SLC24A3: variants seen among roughly 807,000 people sequenced by gnomAD.
SLC24A3 encodes sodium/potassium/calcium exchanger 3.
A neutral mutation model predicts 75.8 loss-of-function variants in SLC24A3; 28 were observed. The observed-to-expected ratio is 0.37, with a 90% CI of 0.27 to 0.51. The LOEUF (loss-of-function observed/expected upper bound fraction) is 0.51, where lower values mean the gene tolerates loss of function less well. SLC24A3 is among the 20% of genes least tolerant of loss of function. The pLI is 0.94. For synonymous variants in SLC24A3, 372 were observed against 334.1 expected (o/e 1.11, Z -1.24); for missense variants, 663 against 847.8 (o/e 0.78, Z 2.71).
chr20:19,422,201 A>G (rs1252758909), intron 2 of SLC24A3, among the ~76,000 whole-genome samples: 1 of 152,136 alleles, frequency 6.6e-6, no homozygotes, highest in African/African-American at 2.4e-5. Context: ...CCACATGGCC[A>G]GTAAATGGCA....
intron 6 of SLC24A3, among the ~76,000 whole-genome samples, chr20:19,615,093 G>A (rs982988089): frequency 1.3e-5 from 2 of 152,152 alleles, no homozygotes; most frequent in Non-Finnish European, 2.9e-5. Flanking sequence ...CAAGTGGTTT[G>A]ATTCCTTCTC....
At chr20:19,311,938 C>T (rs1984468341) in intron 2 of SLC24A3, among the ~76,000 whole-genome samples, 1 of 152,008 alleles carries the variant, frequency 6.6e-6, no homozygotes, top group South Asian at 2.1e-4. Context: ...CCTTCCCATG[C>T]GCCCTTCCTC....
chr20:19,633,641 T>A (rs1210792381), intron 6 of SLC24A3, among the ~76,000 whole-genome samples: 1 of 89,716 alleles, frequency 1.1e-5, no homozygotes, highest in Non-Finnish European at 2.1e-5. Context: ...AGAGCGAGAC[T>A]CCGTCTCAAA....
intron 6 of SLC24A3, among the ~76,000 whole-genome samples, chr20:19,628,722 G>A (rs769707411): frequency 2.0e-5 from 3 of 152,004 alleles, no homozygotes; most frequent in Non-Finnish European, 4.4e-5. Context: ...AGAAATTAAA[G>A]CATCACAGAC....
chr20:19,250,968 G>A (rs750550293), intron 1 of SLC24A3, among the ~76,000 whole-genome samples: 43 of 152,112 alleles, frequency 2.8e-4, no homozygotes, highest in African/African-American at 8.0e-4. Flanking sequence ...GAATTTTGAC[G>A]TTTTAGTTTG....
intron 16 of SLC24A3, among the ~76,000 whole-genome samples, chr20:19,719,415 G>A (rs2033078040): frequency 6.6e-6 from 1 of 152,094 alleles, no homozygotes; most frequent in African/African-American, 2.4e-5. Context: ...GGAGTTGCTG[G>A]AACCAGGTCC....
At chr20:19,259,704 C>T (rs960234382) in intron 1 of SLC24A3, among the ~76,000 whole-genome samples, 6 of 152,192 alleles carry the variant, frequency 3.9e-5, no homozygotes, top group African/African-American at 1.4e-4. Flanking sequence ...ATATTGGAAA[C>T]ATTGTTTCTC....
At chr20:19,226,970 C>T (rs547068756) in intron 1 of SLC24A3, among the ~76,000 whole-genome samples, 13 of 152,246 alleles carry the variant, frequency 8.5e-5, no homozygotes, top group East Asian at 3.9e-4. Context: ...CAATCTCTGC[C>T]GGTTTCTTTA....
At chr20:19,515,615 G>A (rs777790255) in intron 3 of SLC24A3, 51 bp downstream of exon 3, 1 of 1,580,862 alleles carries the variant, frequency 6.3e-7, no homozygotes, top group Admixed American at 1.7e-5. Context: ...CTAGGCCTAG[G>A]GGTGTGGGGT....
intron 6 of SLC24A3, among the ~76,000 whole-genome samples, chr20:19,636,227 C>G (rs952188084): frequency 1.3e-5 from 2 of 152,208 alleles, no homozygotes; most frequent in Non-Finnish European, 2.9e-5. Flanking sequence ...TTCTGTCATG[C>G]TCTACTGGTC....
intron 2 of SLC24A3, among the ~76,000 whole-genome samples, chr20:19,467,868 G>A (rs1336447233): frequency 1.5e-4 from 22 of 147,240 alleles, no homozygotes; most frequent in Admixed American, 7.3e-4. Flanking sequence ...GTGACAGAGT[G>A]GGACCCTGTC....
chr20:19,662,428 C>G (rs1480935767), intron 7 of SLC24A3, among the ~76,000 whole-genome samples: 1 of 152,244 alleles, frequency 6.6e-6, no homozygotes, highest in Non-Finnish European at 1.5e-5. Flanking sequence ...ACAGCAGCGG[C>G]TAAAGCCGCC....
chr20:19,621,205 C>T (rs183361375), intron 6 of SLC24A3, among the ~76,000 whole-genome samples: 21 of 152,328 alleles, frequency 1.4e-4, no homozygotes, highest in Non-Finnish European at 2.4e-4. Context: ...CCCATCTGTG[C>T]CTTCCTCTTT....
chr20:19,528,047 A>C (rs2030230171), intron 3 of SLC24A3, among the ~76,000 whole-genome samples: 2 of 152,178 alleles, frequency 1.3e-5, no homozygotes, highest in African/African-American at 2.4e-5. Context: ...GATTCCACCT[A>C]GTAAGGGCCC....
intron 6 of SLC24A3, among the ~76,000 whole-genome samples, chr20:19,643,021 C>T (rs1412514207): frequency 6.6e-6 from 1 of 152,222 alleles, no homozygotes; most frequent in Non-Finnish European, 1.5e-5. Context: ...GCTTTCCCTA[C>T]CCTGAGTCAC....
chr20:19,437,650 A>G (rs755688130), intron 2 of SLC24A3, among the ~76,000 whole-genome samples: 9 of 152,190 alleles, frequency 5.9e-5, no homozygotes, highest in Non-Finnish European at 7.3e-5. Context: ...AACGGCCAGG[A>G]CAGGATAATG....
At chr20:19,383,580 G>A (rs999352309) in intron 2 of SLC24A3, among the ~76,000 whole-genome samples, 2 of 152,150 alleles carry the variant, frequency 1.3e-5, no homozygotes, top group East Asian at 1.9e-4. Flanking sequence ...AGGAATGTGG[G>A]GTTGGGGGCT....
At chr20:19,558,868 C>T (rs1374756840) in intron 3 of SLC24A3, among the ~76,000 whole-genome samples, 7 of 152,242 alleles carry the variant, frequency 4.6e-5, no homozygotes, top group Admixed American at 2.0e-4. Context: ...TACTAAAGTT[C>T]GTTCATCCAT....
At chr20:19,687,577 A>G (rs2032692382) in intron 12 of SLC24A3, among the ~76,000 whole-genome samples, 2 of 152,158 alleles carry the variant, frequency 1.3e-5, no homozygotes, top group African/African-American at 4.8e-5. Flanking sequence ...ATCTTTCACT[A>G]ATTAAACAGT....
Sources: allele counts gnomAD v4.1 joint callset (sites outside exome capture counted in the v4.1 genomes callset), GRCh38; gene constraint gnomAD v4.1.1; transcripts MANE v1.5; gene names NCBI Gene and HGNC (gene_info 2026-07-23, HGNC 2026-07-21).